Variants in CRY2 observed in about 807,000 individuals in gnomAD.
CRY2 encodes cryptochrome-2.
A neutral mutation model predicts 69.5 loss-of-function variants in CRY2; 31 were observed. The ratio of observed to expected loss-of-function variants is 0.45; its 90% confidence interval spans 0.34 to 0.60. CRY2 has a LOEUF of 0.60. Among genes scored for constraint, CRY2 ranks in the 20% least tolerant of loss-of-function variants. The pLI is 0.02. For synonymous variants in CRY2, 303 were observed against 312.2 expected (o/e 0.97, Z 0.31); for missense variants, 606 against 797.8 (o/e 0.76, Z 2.90).
chr11:45,866,544 G>A (rs917280562), intron 5 of CRY2, among the ~76,000 whole-genome samples: 2 of 152,218 alleles, frequency 1.3e-5, no homozygotes, highest in African/African-American at 4.8e-5. Flanking sequence ...GTCAGAAAGT[G>A]CCTGCAGGAC....
At chr11:45,868,459 T>C (rs1565061546) in intron 6 of CRY2, among the ~76,000 whole-genome samples, 1 of 152,014 alleles carries the variant, frequency 6.6e-6, no homozygotes, top group Non-Finnish European at 1.5e-5. Context: ...GCAATCCCTC[T>C]GCCTCAGCCT....
intron 11 of CRY2, among the ~76,000 whole-genome samples, chr11:45,873,567 G>T (rs958661503): frequency 1.1e-4 from 16 of 152,232 alleles, no homozygotes; most frequent in Admixed American, 7.8e-4. Flanking sequence ...GAACAGAGAG[G>T]TTAAATGTCT....
upstream of CRY2, chr11:45,847,370 G>C: frequency 6.3e-7 from 1 of 1,599,546 alleles, no homozygotes; most frequent in South Asian, 1.1e-5. Flanking sequence ...GGGGCTCTGG[G>C]GCCCTGTGGG....
chr11:45,870,789 C>A, intron 9 of CRY2, 53 bp from the exon 10 acceptor site: 1 of 1,481,420 alleles, frequency 6.8e-7, no homozygotes, highest in Non-Finnish European at 9.4e-7. Context: ...TGCCCTGTAG[C>A]CCTCTGCAAT....
intron 11 of CRY2, among the ~76,000 whole-genome samples, chr11:45,875,385 C>G (rs2086417467): frequency 6.6e-6 from 1 of 152,158 alleles, no homozygotes; most frequent in Non-Finnish European, 1.5e-5. Flanking sequence ...CATTTTGGAA[C>G]AGGAATGATC....
intron 11 of CRY2, among the ~76,000 whole-genome samples, chr11:45,878,526 A>G (rs543401975): frequency 2.0e-5 from 3 of 152,340 alleles, no homozygotes; most frequent in African/African-American, 4.8e-5. Flanking sequence ...CAATAAATAC[A>G]TGTACACCTT....
At chr11:45,877,161 G>A (rs1341861411) in intron 11 of CRY2, among the ~76,000 whole-genome samples, 1 of 152,214 alleles carries the variant, frequency 6.6e-6, no homozygotes, top group Non-Finnish European at 1.5e-5. Context: ...GTAAAGGTGT[G>A]GTTGACCTGA....
At chr11:45,849,322 A>G (rs1199217302) in intron 1 of CRY2, among the ~76,000 whole-genome samples, 1 of 152,212 alleles carries the variant, frequency 6.6e-6, no homozygotes, top group Non-Finnish European at 1.5e-5. Context: ...CAAATCCTGA[A>G]GTCAGAGGCT....
At chr11:45,850,174 A>G (rs2086186714) in intron 1 of CRY2, among the ~76,000 whole-genome samples, 1 of 151,390 alleles carries the variant, frequency 6.6e-6, no homozygotes, top group Non-Finnish European at 1.5e-5. Context: ...ATGCCTGGCT[A>G]ATTTTTGTAT....
At chr11:45,879,501 A>G (rs560796108) in intron 11 of CRY2, among the ~76,000 whole-genome samples, 22 of 152,378 alleles carry the variant, frequency 1.4e-4, no homozygotes, top group Admixed American at 7.8e-4. Flanking sequence ...AATTTCTTCT[A>G]AAAGTCTTCT....
In CRY2 at chr11:45,847,486, C is replaced by T. The variant is rs772622738; in HGVS notation, c.-5C>T. The T allele has an allele frequency of 6.2e-6, 10 of 1,600,350 alleles. No individual in the cohort carries two copies. In the African/African-American group the frequency reaches 1.2e-4, roughly 19 times the overall value. ...GCGGGGGTGGCTGGAGCAGTCTGGA[C>T]AGTCATGGCGGCGACTGTGGCGACG... On this transcript the variant is annotated 5_prime_UTR_variant, in exon 1 of 12. Coordinates refer to ENST00000616080, the MANE Select transcript of CRY2 (RefSeq NM_021117.5).
chr11:45,847,647 G>C lies in CRY2; in HGVS notation c.157G>C (p.Val53Leu). ...GCGCGGGGCGCGCTGCGTGCGCTGC[G>C]TTTACATTCTCGACCCGTGGTTCGC... ...AVRGARCVRC[V>L]YILDPWFAAS... Residue 53 changes from valine to leucine, a missense_variant, in exon 1 of 12, where the codon GTT (valine) becomes CTT (leucine). Val to Leu is a conservative substitution (Grantham distance 32). This residue lies in a region of CRY2 where 382 missense variants were observed against 508.9 expected (regional missense o/e 0.75). Transcript: ENST00000616080. The C allele has an allele frequency of 6.3e-7, 1 of 1,598,954 alleles. No homozygotes were observed. The highest frequency in any genetic ancestry group is 8.5e-7 in the Non-Finnish European group (1 of 1,173,602).
intron 5 of CRY2, among the ~76,000 whole-genome samples, chr11:45,864,666 G>A (rs890305650): frequency 3.3e-5 from 5 of 151,782 alleles, no homozygotes; most frequent in African/African-American, 4.8e-5. Flanking sequence ...TCAGGAGTTC[G>A]AGACCAGCCT....
chr11:45,855,177 A>C, intron 1 of CRY2, among the ~76,000 whole-genome samples: 1 of 148,614 alleles, frequency 6.7e-6, no homozygotes. Flanking sequence ...CCCCACAAAA[A>C]TGTGAAGATA....
At chr11:45,851,364 A>C (rs942868657) in intron 1 of CRY2, among the ~76,000 whole-genome samples, 1 of 152,228 alleles carries the variant, frequency 6.6e-6, no homozygotes, top group South Asian at 2.1e-4. Context: ...CATTTCTCTT[A>C]GAATTGGTAA....
At chr11:45,878,498 C>T (rs1307607421) in intron 11 of CRY2, among the ~76,000 whole-genome samples, 2 of 152,136 alleles carry the variant, frequency 1.3e-5, no homozygotes, top group Non-Finnish European at 2.9e-5. Flanking sequence ...GGAGTATATA[C>T]TCAGAATCAG....
intron 5 of CRY2, among the ~76,000 whole-genome samples, chr11:45,864,966 G>A (rs1008227124): frequency 2.0e-5 from 3 of 152,030 alleles, no homozygotes; most frequent in Non-Finnish European, 4.4e-5. Flanking sequence ...CACCCTGTTG[G>A]CCTGACTGGT....
chr11:45,863,661 G>A (rs542394814), intron 5 of CRY2, among the ~76,000 whole-genome samples: 2 of 151,244 alleles, frequency 1.3e-5, no homozygotes, highest in African/African-American at 4.9e-5. Context: ...AAAGCACCAG[G>A]AAAAGTCCCA....
rs778449473 is a variant in CRY2, at chr11:45,858,715, G to T, written c.325-16G>T. On this transcript the variant is annotated splice_polypyrimidine_tract_variant and intron_variant, in intron 2 of 11. Coordinates refer to ENST00000616080, the MANE Select transcript of CRY2 (RefSeq NM_021117.5). ...CCCAAACACAGTGTTGAGCATAACA[G>T]ATCCTCTCCCCACAGGAATGGGGAG... 6.2e-7 allele frequency: 1 copy of T among 1,610,788 alleles called. No individual in the cohort carries two copies. The highest frequency in any genetic ancestry group is 8.5e-7 in the Non-Finnish European group (1 of 1,178,186).
Sources: gnomAD v4.1 joint callset for allele counts (sites outside exome capture counted in the v4.1 genomes callset) on GRCh38, gnomAD v4.1.1 for gene constraint, gnomAD v4.1.1 regional missense constraint, MANE v1.5 for transcripts, NCBI Gene and HGNC (gene_info 2026-07-23, HGNC 2026-07-21) for gene names.